The following CAMK2D variants were observed in gnomAD, a reference collection of about 807,000 sequenced individuals.
The protein encoded by CAMK2D is calcium/calmodulin-dependent protein kinase type II subunit delta.
A neutral mutation model predicts 84.0 loss-of-function variants in CAMK2D; 37 were observed. The ratio of observed to expected loss-of-function variants is 0.44; its 90% CI spans 0.34 to 0.58. The LOEUF is 0.58. Among genes scored for constraint, CAMK2D ranks in the 20% least tolerant of loss-of-function variants. The pLI, the probability that CAMK2D is intolerant of heterozygous loss-of-function variation, is 0.02. For synonymous variants in CAMK2D, 202 were observed against 212.5 expected (o/e 0.95, Z 0.43); for missense variants, 448 against 652.5 (o/e 0.69, Z 3.41).
chr4:113,567,946 A>T (rs1473157593), intron 4 of CAMK2D, among the ~76,000 whole-genome samples: 2 of 152,228 alleles, frequency 1.3e-5, no homozygotes, highest in Non-Finnish European at 2.9e-5. Flanking sequence ...TCATTTTACC[A>T]GGTATTAGGT....
At chr4:113,582,280 G>A (rs186858948) in intron 4 of CAMK2D, among the ~76,000 whole-genome samples, 4 of 152,268 alleles carry the variant, frequency 2.6e-5, no homozygotes, top group African/African-American at 9.6e-5. Flanking sequence ...ATAGGGGTAG[G>A]AAGGAAATTT....
intron 3 of CAMK2D, among the ~76,000 whole-genome samples, chr4:113,658,426 G>T (rs1016476176): frequency 6.6e-6 from 1 of 152,186 alleles, no homozygotes; most frequent in Non-Finnish European, 1.5e-5. Context: ...TTGCTTGTTT[G>T]TTTTTCCCCC....
At chr4:113,557,432 G>A (rs1321894129) in intron 4 of CAMK2D, among the ~76,000 whole-genome samples, 1 of 152,136 alleles carries the variant, frequency 6.6e-6, no homozygotes, top group Admixed American at 6.6e-5. Flanking sequence ...CTCAAGCATA[G>A]TAAGCTCCTT....
At chr4:113,740,543 T>C (rs1401577264) in intron 2 of CAMK2D, among the ~76,000 whole-genome samples, 2 of 152,102 alleles carry the variant, frequency 1.3e-5, no homozygotes, top group Non-Finnish European at 2.9e-5. Context: ...ATCTCACATT[T>C]AAGTCAAGAC....
intron 2 of CAMK2D, among the ~76,000 whole-genome samples, chr4:113,693,647 T>G (rs1593134414): frequency 6.6e-6 from 1 of 152,164 alleles, no homozygotes; most frequent in East Asian, 1.9e-4. Flanking sequence ...TAGGGATTTA[T>G]TGGAAATTTT....
chr4:113,487,097 C>T (rs1406259183), intron 16 of CAMK2D, among the ~76,000 whole-genome samples: 1 of 152,164 alleles, frequency 6.6e-6, no homozygotes, highest in Non-Finnish European at 1.5e-5. Flanking sequence ...CATTAAGCTC[C>T]TCACTGAATA....
chr4:113,684,525 C>A (rs529765911), intron 2 of CAMK2D, among the ~76,000 whole-genome samples: 2 of 152,072 alleles, frequency 1.3e-5, no homozygotes, highest in East Asian at 3.9e-4. Context: ...CTTTTTTCTT[C>A]TTTGTGTAAC....
chr4:113,661,777 T>TAAAAA lies in CAMK2D; in HGVS notation c.161-10_161-6dup. On this transcript the variant is annotated splice_region_variant and splice_polypyrimidine_tract_variant and intron_variant, in intron 2 of 20. Transcript: ENST00000511664. Reference sequence around the variant, plus strand: ...CTCTTTCTAGTTTCTGATGATCTGTTAAAAAAAAAAACAGAATAAGGCAAA... The same window carrying TAAAAA: ...CTCTTTCTAGTTTCTGATGATCTGTTAAAAAAAAAAAAAAAACAGAATAAGGCAAA... The TAAAAA allele has an allele frequency of 8.3e-7, 1 of 1,210,398 alleles. No individual in the cohort carries two copies. The highest frequency in any genetic ancestry group is 1.1e-6 in the Non-Finnish European group (1 of 897,248). The allele number at this position is 1,210,398 out of a possible 1,614,324, so 75.0% of individuals were successfully genotyped here. A position where few individuals can be genotyped will look rare whatever the true frequency, so the allele number is the denominator to read the frequency against.
chr4:113,485,239 A>G (rs899966824), intron 16 of CAMK2D, among the ~76,000 whole-genome samples: 1 of 152,200 alleles, frequency 6.6e-6, no homozygotes, highest in African/African-American at 2.4e-5. Flanking sequence ...TTTGGTAGAA[A>G]CTATGAGCCT....
chr4:113,661,876 T>C (rs2099234275), intron 2 of CAMK2D, 104 bp from the exon 3 acceptor site: 1 of 595,164 alleles, frequency 1.7e-6, no homozygotes, highest in Non-Finnish European at 3.1e-6. Flanking sequence ...TTACTTATCC[T>C]TTGATTTCAT....
At chr4:113,480,341 G>C (rs1173326455) in intron 16 of CAMK2D, among the ~76,000 whole-genome samples, 1 of 152,100 alleles carries the variant, frequency 6.6e-6, no homozygotes, top group East Asian at 1.9e-4. Flanking sequence ...ATATTCAATG[G>C]AGAGCTGGGC....
intron 2 of CAMK2D, among the ~76,000 whole-genome samples, chr4:113,695,538 C>T (rs1593161213): frequency 1.3e-5 from 2 of 152,056 alleles, no homozygotes; most frequent in African/African-American, 4.8e-5. Flanking sequence ...TGCTAAATTG[C>T]TCAGGCCATA....
At chr4:113,458,473 C>T (rs1005265426) in intron 18 of CAMK2D, among the ~76,000 whole-genome samples, 1 of 151,898 alleles carries the variant, frequency 6.6e-6, no homozygotes. Flanking sequence ...ACCTAAATAC[C>T]CCATTATGAA....
chr4:113,659,215 CCAAACCAAAA>C (rs2099216816), intron 3 of CAMK2D, among the ~76,000 whole-genome samples: 1 of 152,138 alleles, frequency 6.6e-6, no homozygotes, highest in Non-Finnish European at 1.5e-5. Context: ...ACAAACCAAA[CCAAACCAAAA>C]CAAACAAATA....
chr4:113,630,703 T>C (rs1360092362), intron 3 of CAMK2D, among the ~76,000 whole-genome samples: 1 of 152,084 alleles, frequency 6.6e-6, no homozygotes, highest in African/African-American at 2.4e-5. Flanking sequence ...ACCACCACAT[T>C]CACTGAGAAA....
At chr4:113,583,816 C>T (rs1255852651) in intron 4 of CAMK2D, among the ~76,000 whole-genome samples, 1 of 152,084 alleles carries the variant, frequency 6.6e-6, no homozygotes, top group Non-Finnish European at 1.5e-5. Context: ...AATTCAGCAT[C>T]TTTCATGTAG....
intron 4 of CAMK2D, among the ~76,000 whole-genome samples, chr4:113,581,232 G>A (rs1398496400): frequency 1.3e-5 from 2 of 152,094 alleles, no homozygotes; most frequent in African/African-American, 2.4e-5. Context: ...AAGAAAGACT[G>A]GCTGGGTGCG....
intron 3 of CAMK2D, among the ~76,000 whole-genome samples, chr4:113,642,502 A>T (rs1433835106): frequency 6.6e-6 from 1 of 152,208 alleles, no homozygotes. Context: ...CACACATACA[A>T]GTGTCATCAG....
At chr4:113,738,439 G>A (rs1194731424) in intron 2 of CAMK2D, among the ~76,000 whole-genome samples, 2 of 152,064 alleles carry the variant, frequency 1.3e-5, no homozygotes, top group African/African-American at 4.8e-5. Context: ...GAATGTGTGG[G>A]AAAGTTAAGC....
Sources: gnomAD v4.1 joint callset for allele counts (sites outside exome capture counted in the v4.1 genomes callset) on GRCh38, gnomAD v4.1.1 for gene constraint, MANE v1.5 for transcripts, NCBI Gene and HGNC (gene_info 2026-07-23, HGNC 2026-07-21) for gene names.